The following TMEM18 variants were observed in gnomAD, a reference collection of about 807,000 sequenced individuals.
The protein encoded by TMEM18 is transmembrane protein 18.
Under a neutral mutation model 17.4 loss-of-function variants are expected in TMEM18, and 14 were observed. That is an observed-to-expected ratio of 0.80 (90% CI 0.53 to 1.25). TMEM18 has a LOEUF of 1.25. Ranked by LOEUF, TMEM18 falls within the 50% of genes most tolerant of loss-of-function variation. TMEM18 has a pLI of 0.00. For synonymous variants in TMEM18, 86 were observed against 66.1 expected (o/e 1.30, Z -1.46); for missense variants, 187 against 172.1 (o/e 1.09, Z -0.48).
rs773573879 is a variant in TMEM18, at chr2:677,364, C to G, written c.-19G>C. The G allele has an allele frequency of 6.2e-7, 1 of 1,608,978 alleles. No individual in the cohort carries two copies. Among genetic ancestry groups the G allele is most frequent in the Non-Finnish European group, 8.5e-7 (1 of 1,178,420 alleles). On this transcript the variant is annotated 5_prime_UTR_variant, in exon 1 of 5. Coordinates refer to ENST00000281017, the MANE Select transcript of TMEM18 (RefSeq NM_152834.4). Reference sequence around the variant, plus strand: ...ACGGCATGGTGTTGGGAAGCCCGCTCTCACAGCAACCGCCGAACCCGGCCT... The same window carrying G: ...ACGGCATGGTGTTGGGAAGCCCGCTGTCACAGCAACCGCCGAACCCGGCCT...
chr2:677,276 G>A lies in TMEM18; in HGVS notation c.57+13C>T. 1.2e-6 allele frequency: 2 copies of A among 1,609,156 alleles called. No individual in the cohort carries two copies. The highest frequency in any genetic ancestry group is 1.7e-6 in the Non-Finnish European group (2 of 1,179,134). ...CCTCCCCCGAACTGGTGGTTACGCG[G>A]GCCGCGAGTTACCGTGAGCACGGCT... On this transcript the variant is annotated intron_variant, in intron 1 of 4. Coordinates refer to ENST00000281017, the MANE Select transcript of TMEM18 (RefSeq NM_152834.4).
chr2:675,865 C>G, intron 1 of TMEM18: 1 of 1,500,868 alleles, frequency 6.7e-7, no homozygotes, highest in Non-Finnish European at 8.9e-7. Flanking sequence ...AACTATAATT[C>G]ATGGAATTCA....
Position 669,832 on chromosome 2 carries a change from C to G in TMEM18, c.252G>C (p.Gln84His), listed in dbSNP as rs767500299. 1.1e-5 allele frequency: 17 copies of G among 1,612,362 alleles called. No homozygotes were observed. Among genetic ancestry groups the G allele is most frequent in the Middle Eastern group, 1.6e-4 (1 of 6,080 alleles). ...TGAACATCCCCCTGGAGTCGAAATA[C>G]TGGTATTTCGAAAATAATCTGTTTA... ...AMNWRLFSKYQYFDSRGMFIS... is the reference protein window; with the variant it reads ...AMNWRLFSKYHYFDSRGMFIS... Residue 84 changes from glutamine to histidine, a missense_variant, in exon 4 of 5, where the codon CAG becomes CAC. Transcript: ENST00000281017.
Position 665,762 on chromosome 2 carries a change from C to T in TMEM18, c.*3818G>A, listed in dbSNP as rs1223205366. Among the ~76,000 whole-genome samples the T allele has an allele frequency of 6.6e-6, 1 of 152,006 alleles. No homozygotes were observed. Among genetic ancestry groups the T allele is most frequent in the Non-Finnish European group, 1.5e-5 (1 of 68,010 alleles). ...CCACTCACTCAGATGGAGCATCAAC[C>T]CCACACACAACAGGACCCAGAGATG... On this transcript the variant is annotated 3_prime_UTR_variant, in exon 5 of 5. Coordinates refer to ENST00000281017, the MANE Select transcript of TMEM18 (RefSeq NM_152834.4).
At chr2:676,744 ACC>A in intron 1 of TMEM18, 1 of 1,123,516 alleles carries the variant, frequency 8.9e-7, no homozygotes, top group Non-Finnish European at 1.3e-6. Context: ...CCTCCGTGCC[ACC>A]CCACACGATC....
chr2:672,555 C>T (rs1678877380), intron 3 of TMEM18, among the ~76,000 whole-genome samples: 1 of 152,274 alleles, frequency 6.6e-6, no homozygotes, highest in Non-Finnish European at 1.5e-5. Flanking sequence ...CCCATGGCCA[C>T]TTCTCTGGCT....
Position 666,055 on chromosome 2 carries a change from C to G in TMEM18, c.*3525G>C, listed in dbSNP as rs1392624362. Reference sequence around the variant, plus strand: ...TCAGCTCACTGAGATGGAGCATCAACCCTACACACAACAGGACCCATGGAG... The same window carrying G: ...TCAGCTCACTGAGATGGAGCATCAAGCCTACACACAACAGGACCCATGGAG... On this transcript the variant is annotated 3_prime_UTR_variant, in exon 5 of 5. Transcript: ENST00000281017. Among the ~76,000 whole-genome samples the G allele has an allele frequency of 6.6e-6, 1 of 152,154 alleles. No homozygotes were observed. The highest frequency in any genetic ancestry group is 1.5e-5 in the Non-Finnish European group (1 of 68,036).
intron 1 of TMEM18, 99 bp downstream of exon 1, chr2:677,190 C>A: frequency 6.8e-7 from 1 of 1,462,072 alleles, no homozygotes; most frequent in Non-Finnish European, 9.3e-7. Flanking sequence ...CGCCCACGGC[C>A]GGGGCCTTCT....
rs768691126 is a variant in TMEM18, at chr2:675,609, AG to A, written c.78del (p.Trp27GlyfsTer33). ...TGGAAGGTGGCCAGCCCCATGAGCCAGGGCTCAGTCCAGTCCGTCTGCTGTA... is the reference window on the plus strand; with the variant it reads ...TGGAAGGTGGCCAGCCCCATGAGCCAGGCTCAGTCCAGTCCGTCTGCTGTA... ...AVLTQTDWTE[P>X]WLMGLATFHA... On this transcript the variant is annotated frameshift_variant, in exon 2 of 5. Transcript: ENST00000281017. LOFTEE classifies it high-confidence loss of function. 1.1e-5 allele frequency: 17 copies of A among 1,614,204 alleles called. No homozygotes were observed. Among genetic ancestry groups the A allele is most frequent in the Non-Finnish European group, 1.4e-5 (17 of 1,180,044 alleles).
chr2:669,474 TCAAACCATGAG>T lies in TMEM18; in HGVS notation c.*95_*105del. The stretch of plus-strand genomic sequence containing the variant: ...GATATTTAAATAAAACAACGGTTTT[TCAAACCATGAG>T]TCAGCTGGAAGGATGCCCACGCCAC... On this transcript the variant is annotated 3_prime_UTR_variant, in exon 5 of 5. Coordinates refer to ENST00000281017, the MANE Select transcript of TMEM18 (RefSeq NM_152834.4). 2 of 1,185,612 alleles carry T rather than the reference TCAAACCATGAG, an allele frequency of 1.7e-6. No individual in the cohort carries two copies. Among genetic ancestry groups the T allele is most frequent in the Admixed American group, 4.3e-5 (2 of 46,730 alleles). The allele number at this position is 1,185,612 out of a possible 1,614,324, so 73.4% of individuals were successfully genotyped here. A position where few individuals can be genotyped will look rare whatever the true frequency, so the allele number is the denominator to read the frequency against.
chr2:669,556 C>G lies in TMEM18; in HGVS notation c.*24G>C. 2 of 1,613,176 alleles carry G rather than the reference C, an allele frequency of 1.2e-6. No homozygotes were observed. Among genetic ancestry groups the G allele is most frequent in the Non-Finnish European group, 1.7e-6 (2 of 1,179,202 alleles). The stretch of plus-strand genomic sequence containing the variant: ...CTGCACTGGGTGGACGGGAAGGACG[C>G]AAACTCCAAGCAGCTGCTGCCCCTC... On this transcript the variant is annotated 3_prime_UTR_variant, in exon 5 of 5. Transcript: ENST00000281017.
chr2:669,633 T>C lies in TMEM18; in HGVS notation c.370A>G (p.Lys124Glu). The C allele has an allele frequency of 1.2e-6, 2 of 1,614,170 alleles. No homozygotes were observed. Among genetic ancestry groups the C allele is most frequent in the Non-Finnish European group, 1.7e-6 (2 of 1,180,028 alleles). The change falls in exon 5 of 5, where the codon AAG (lysine) becomes GAG (glutamate). Residue 124 changes from lysine (K) to glutamate (E), a missense_variant. Physicochemically the swap from Lys to Glu is moderately conservative, Grantham distance 56. Transcript: ENST00000281017. ...WKTLNVMTDL[K>E]NAQERRKEKK... ...TCCTTTCTTCTCTCTTGTGCATTCT[T>C]CAGGTCAGTCATCACATTCAAAGTC... is the stretch of plus-strand genomic sequence containing the variant.
intron 1 of TMEM18, chr2:676,782 C>A (rs73153267): frequency 0.11 from 86,884 of 820,514 alleles, 5,353 homozygotes; most frequent in African/African-American, 0.18. Flanking sequence ...CGCCCCGCCG[C>A]ACTGCCAGAA....
chr2:676,519 G>C (rs543467331), intron 1 of TMEM18: 5 of 1,539,662 alleles, frequency 3.2e-6, no homozygotes, highest in Non-Finnish European at 3.5e-6. Context: ...GGCTTCTCCA[G>C]AGCCGCGCCA....
rs756224131 is a variant in TMEM18 at position 675,584 on chromosome 2, T to C, written c.104A>G (p.His35Arg). The change falls in exon 2 of 5, where the codon CAC (histidine) becomes CGC (arginine). Residue 35 changes from histidine (H) to arginine (R), a missense_variant. Transcript: ENST00000281017. ...EPWLMGLATF[H>R]ALCVLLTCLS... ...GCAGGTGAGGAGCACGCAGAGCGCG[T>C]GGAAGGTGGCCAGCCCCATGAGCCA... 6.2e-7 allele frequency: 1 copy of C among 1,614,178 alleles called. No homozygotes were observed. Among genetic ancestry groups the C allele is most frequent in the East Asian group, 2.2e-5 (1 of 44,880 alleles).
rs1432286873 is a variant in TMEM18 at position 666,827 on chromosome 2, T to A, written c.*2753A>T. 6.6e-6 allele frequency among the ~76,000 whole-genome samples: 1 copy of A among 152,130 alleles called. No individual in the cohort carries two copies. Among genetic ancestry groups the A allele is most frequent in the East Asian group, 1.9e-4 (1 of 5,180 alleles). ...GGAAGGCTGCACTGAAAACATGTTC[T>A]GGTTAACTTGGTGAAAGAAGAAGGG... On this transcript the variant is annotated 3_prime_UTR_variant, in exon 5 of 5. Coordinates refer to ENST00000281017, the MANE Select transcript of TMEM18 (RefSeq NM_152834.4).
At position 674,432 on chromosome 2, in the gene TMEM18, T is replaced by C. The variant is rs1678940865; in HGVS notation, c.178+1078A>G. Among the ~76,000 whole-genome samples, 3 of 152,318 alleles carry C rather than the reference T, an allele frequency of 2.0e-5. No homozygotes were observed. The South Asian group carries it at 6.2e-4, about 32-fold the overall frequency. ...GTGATTTAAATCAGGCCGCTCCTCC[T>C]GTTTCACTGTGTTTTTGGCTTTTCC... On this transcript the variant is annotated intron_variant, in intron 2 of 4. Transcript: ENST00000281017.
In TMEM18 at chr2:669,447, T is replaced by C. The variant is rs1678778549; in HGVS notation, c.*133A>G. 4.4e-6 allele frequency: 4 copies of C among 900,714 alleles called. No homozygotes were observed. Among genetic ancestry groups the C allele is most frequent in the Admixed American group, 2.2e-5 (1 of 46,066 alleles). The allele number at this position is 900,714 out of a possible 1,614,324, so 55.8% of individuals were successfully genotyped here. A position where few individuals can be genotyped will look rare whatever the true frequency, so the allele number is the denominator to read the frequency against. On this transcript the variant is annotated 3_prime_UTR_variant, in exon 5 of 5. Coordinates refer to ENST00000281017, the MANE Select transcript of TMEM18 (RefSeq NM_152834.4). ...AACTTCAGTGTGTGCCCTACCACTGTGGATATTTAAATAAAACAACGGTTT... is the reference window on the plus strand; with the variant it reads ...AACTTCAGTGTGTGCCCTACCACTGCGGATATTTAAATAAAACAACGGTTT...
chr2:677,156 C>G, intron 1 of TMEM18, 133 bp downstream of exon 1: 1 of 1,166,050 alleles, frequency 8.6e-7, no homozygotes, highest in Non-Finnish European at 1.2e-6. Flanking sequence ...CCCTGCCCAG[C>G]GCGCGCGCTC....
Sources: allele counts gnomAD v4.1 joint callset (sites outside exome capture counted in the v4.1 genomes callset), GRCh38; gene constraint gnomAD v4.1.1; transcripts MANE v1.5; gene names NCBI Gene and HGNC (gene_info 2026-07-23, HGNC 2026-07-21).